Variants in KCNJ3 observed in about 807,000 individuals in gnomAD.
The protein encoded by KCNJ3 is potassium inwardly rectifying channel subfamily J member 3.
Under a neutral mutation model 39.2 loss-of-function variants are expected in KCNJ3, and 4 were observed. That is an observed-to-expected ratio of 0.10 (90% CI 0.05 to 0.23). KCNJ3 has a LOEUF of 0.23. Among genes scored for constraint, KCNJ3 ranks in the 10% least tolerant of loss-of-function variants. KCNJ3 has a pLI of 1.00. For missense variants in KCNJ3, 276 were observed against 634.9 expected, an observed-to-expected ratio of 0.43 and a Z score of 6.08; for synonymous variants, 230 against 237.4, an observed-to-expected ratio of 0.97 and a Z score of 0.29.
intron 2 of KCNJ3, among the ~76,000 whole-genome samples, chr2:154,780,400 A>G (rs531075874): frequency 2.9e-4 from 44 of 152,304 alleles, no homozygotes; most frequent in Non-Finnish European, 5.7e-4. Context: ...ACGATGCAAC[A>G]ATTTTAAGCA....
chr2:154,711,600 A>G (rs1397144272), intron 2 of KCNJ3, among the ~76,000 whole-genome samples: 1 of 152,138 alleles, frequency 6.6e-6, no homozygotes, highest in Non-Finnish European at 1.5e-5. Flanking sequence ...TAGTTCTTCA[A>G]CATTATTTTG....
intron 2 of KCNJ3, among the ~76,000 whole-genome samples, chr2:154,733,321 G>A (rs1685475769): frequency 2.0e-5 from 3 of 151,816 alleles, no homozygotes; most frequent in African/African-American, 7.3e-5. Context: ...TGCAAAATTA[G>A]CCTGCAGTGT....
chr2:154,823,735 C>T (rs928168150), intron 2 of KCNJ3, among the ~76,000 whole-genome samples: 1 of 152,068 alleles, frequency 6.6e-6, no homozygotes. Flanking sequence ...TTCCTGTTAT[C>T]ACAATATTTA....
At chr2:154,757,069 G>A (rs1378194398) in intron 2 of KCNJ3, among the ~76,000 whole-genome samples, 1 of 152,026 alleles carries the variant, frequency 6.6e-6, no homozygotes, top group African/African-American at 2.4e-5. Context: ...ATTTTTAAAT[G>A]TCAAAGTATT....
intron 2 of KCNJ3, among the ~76,000 whole-genome samples, chr2:154,724,919 A>G (rs1399128765): frequency 1.4e-5 from 2 of 143,436 alleles, no homozygotes; most frequent in African/African-American, 2.5e-5. Context: ...CATATGAGGT[A>G]TATATATATA....
intron 2 of KCNJ3, among the ~76,000 whole-genome samples, chr2:154,785,924 T>C (rs576226259): frequency 3.9e-5 from 6 of 152,296 alleles, no homozygotes; most frequent in South Asian, 2.1e-4. Flanking sequence ...CTTCAACATA[T>C]GAATTTGGAG....
intron 2 of KCNJ3, among the ~76,000 whole-genome samples, chr2:154,780,320 A>G (rs576655960): frequency 1.3e-5 from 2 of 152,282 alleles, no homozygotes; most frequent in Admixed American, 6.5e-5. Flanking sequence ...CTTGTGTTTC[A>G]TGTGATATGA....
chr2:154,813,379 TCAAA>T (rs965950297), intron 2 of KCNJ3, among the ~76,000 whole-genome samples: 2 of 152,316 alleles, frequency 1.3e-5, no homozygotes, highest in African/African-American at 4.8e-5. Flanking sequence ...CACTTGTTTC[TCAAA>T]CAAACATTTT....
At chr2:154,765,459 G>T (rs1270548779) in intron 2 of KCNJ3, among the ~76,000 whole-genome samples, 1 of 152,138 alleles carries the variant, frequency 6.6e-6, no homozygotes, top group Middle Eastern at 3.2e-3. Context: ...GAAGTGACTT[G>T]TTCTGCCTGG....
At chr2:154,754,632 G>C (rs1263549760) in intron 2 of KCNJ3, among the ~76,000 whole-genome samples, 1 of 152,102 alleles carries the variant, frequency 6.6e-6, no homozygotes, top group Non-Finnish European at 1.5e-5. Flanking sequence ...TTATATCTTG[G>C]TGAATTTGAG....
intron 2 of KCNJ3, among the ~76,000 whole-genome samples, chr2:154,754,010 C>T (rs1408452557): frequency 6.6e-6 from 1 of 152,064 alleles, no homozygotes. Flanking sequence ...ATGAATCTTA[C>T]TTGATTTTTG....
At position 154,856,874 on chromosome 2, in the gene KCNJ3, T is replaced by G. The variant is rs956511010; in HGVS notation, c.*1561T>G. ...ATATCATGGGTTTTCCTATAAAACT[T>G]CTTTAAGTATTGTAATTCCAGTCTG... On this transcript the variant is annotated 3_prime_UTR_variant, in exon 3 of 3. Transcript: ENST00000295101. The G allele has an allele frequency of 6.6e-6, 1 of 152,176 alleles. No homozygotes were observed. The highest frequency in any genetic ancestry group is 1.5e-5 in the Non-Finnish European group (1 of 68,030). 9.4% of individuals were successfully genotyped at this position (152,176 alleles called of 1,614,324 possible). A position where few individuals can be genotyped will look rare whatever the true frequency, so the allele number is the denominator to read the frequency against.
chr2:154,834,382 G>A (rs1687413541), intron 2 of KCNJ3, among the ~76,000 whole-genome samples: 1 of 151,912 alleles, frequency 6.6e-6, no homozygotes, highest in Admixed American at 6.6e-5. Context: ...ATTTTATTGA[G>A]GTATAGATTT....
chr2:154,855,527 T>C lies in KCNJ3; in HGVS notation c.*214T>C, dbSNP rs1229166233. On this transcript the variant is annotated 3_prime_UTR_variant, in exon 3 of 3. Transcript: ENST00000295101. The stretch of plus-strand genomic sequence containing the variant: ...TAAGGAAGTTATTAACGGGCATGTA[T>C]TATCACATCAAGCATGCAATAATGT... 8.3e-6 allele frequency: 4 copies of C among 481,240 alleles called. No homozygotes were observed. The highest frequency in any genetic ancestry group is 1.5e-5 in the Non-Finnish European group (4 of 271,436). 29.8% of individuals were successfully genotyped at this position (481,240 alleles called of 1,614,324 possible).
At chr2:154,787,081 G>A (rs768107545) in intron 2 of KCNJ3, among the ~76,000 whole-genome samples, 3 of 152,098 alleles carry the variant, frequency 2.0e-5, no homozygotes, top group Non-Finnish European at 4.4e-5. Context: ...TAGAAAAAAA[G>A]GGTGTAAATT....
At chr2:154,829,050 T>C (rs941536107) in intron 2 of KCNJ3, among the ~76,000 whole-genome samples, 6 of 152,260 alleles carry the variant, frequency 3.9e-5, no homozygotes, top group African/African-American at 1.4e-4. Context: ...TGTGGCCTGG[T>C]AAAGTGGAGG....
At chr2:154,743,629 T>G (rs765651258) in intron 2 of KCNJ3, among the ~76,000 whole-genome samples, 15 of 151,632 alleles carry the variant, frequency 9.9e-5, no homozygotes, top group Non-Finnish European at 2.2e-4. Context: ...ATATGCTCAT[T>G]CATTGCAAGT....
chr2:154,756,275 T>G (rs896925298), intron 2 of KCNJ3, among the ~76,000 whole-genome samples: 6 of 152,212 alleles, frequency 3.9e-5, no homozygotes, highest in Non-Finnish European at 5.9e-5. Context: ...TTATTTCTTA[T>G]AGACAAGGTT....
intron 2 of KCNJ3, among the ~76,000 whole-genome samples, chr2:154,769,582 G>T (rs916931598): frequency 1.3e-5 from 2 of 152,060 alleles, no homozygotes; most frequent in Non-Finnish European, 2.9e-5. Context: ...TGCTGGATTC[G>T]GTTTGCCAGT....
Sources: gnomAD v4.1 joint callset for allele counts (sites outside exome capture counted in the v4.1 genomes callset) on GRCh38, gnomAD v4.1.1 for gene constraint, MANE v1.5 for transcripts, NCBI Gene and HGNC (gene_info 2026-07-23, HGNC 2026-07-21) for gene names.